The following PAG1 variants were observed in gnomAD, a reference collection of about 807,000 sequenced individuals.
The protein encoded by PAG1 is phosphoprotein associated with glycosphingolipid-enriched microdomains 1.
A neutral mutation model predicts 31.7 loss-of-function variants in PAG1; 23 were observed. That is an observed-to-expected ratio of 0.73 (90% CI 0.52 to 1.03). The LOEUF is 1.03. Ranked by LOEUF, PAG1 falls within the 50% of genes least tolerant of loss-of-function variation. The pLI is 0.00. For missense variants in PAG1, 473 were observed against 540.7 expected (o/e 0.87, Z 1.24); for synonymous variants, 214 against 210.3 (o/e 1.02, Z -0.15).
At chr8:81,056,782 C>T (rs1275033073) in intron 2 of PAG1, among the ~76,000 whole-genome samples, 1 of 152,098 alleles carries the variant, frequency 6.6e-6, no homozygotes, top group East Asian at 1.9e-4. Context: ...AGTGAACAGG[C>T]AACCTACAGA....
At chr8:80,999,723 A>G (rs1217745127) in intron 3 of PAG1, among the ~76,000 whole-genome samples, 1 of 152,228 alleles carries the variant, frequency 6.6e-6, no homozygotes, top group Non-Finnish European at 1.5e-5. Context: ...TCAATAATAC[A>G]TTAAACTTAC....
Position 80,970,168 on chromosome 8 carries a change from T to G in PAG1, c.*6376A>C. On this transcript the variant is annotated 3_prime_UTR_variant, in exon 9 of 9. Transcript: ENST00000220597. ...CTGTCGCCCAGGCTGGAGTGCAGTG[T>G]TGCGATCTCAGCTCATTGCAACCTC... The G allele has an allele frequency of 6.6e-6, 1 of 152,436 alleles. No homozygotes were observed. Among genetic ancestry groups the G allele is most frequent in the African/African-American group, 2.4e-5 (1 of 41,574 alleles). 9.4% of individuals were successfully genotyped at this position (152,436 alleles called of 1,614,324 possible).
intron 8 of PAG1, among the ~76,000 whole-genome samples, chr8:80,979,196 G>A (rs986665817): frequency 1.3e-5 from 2 of 152,114 alleles, no homozygotes; most frequent in Non-Finnish European, 2.9e-5. Flanking sequence ...GTAAGATAAG[G>A]AGCAATTTAA....
At chr8:81,007,212 G>A (rs1192178884) in intron 3 of PAG1, among the ~76,000 whole-genome samples, 1 of 151,964 alleles carries the variant, frequency 6.6e-6, no homozygotes, top group African/African-American at 2.4e-5. Flanking sequence ...GGGAAGTGCG[G>A]GAAAAAGGTG....
At chr8:81,049,601 C>T (rs867818245) in intron 2 of PAG1, among the ~76,000 whole-genome samples, 1 of 152,196 alleles carries the variant, frequency 6.6e-6, no homozygotes, top group Admixed American at 6.5e-5. Flanking sequence ...AATATGCATT[C>T]GTTGAATGCT....
chr8:81,089,031 A>T (rs1024036235), intron 1 of PAG1, among the ~76,000 whole-genome samples: 2 of 152,258 alleles, frequency 1.3e-5, no homozygotes, highest in African/African-American at 2.4e-5. Flanking sequence ...AATGCTTTTA[A>T]GAACTGTGAA....
chr8:81,022,174 T>C (rs980520791), intron 3 of PAG1, among the ~76,000 whole-genome samples: 1 of 152,246 alleles, frequency 6.6e-6, no homozygotes, highest in South Asian at 2.1e-4. Context: ...TTGCCAAACA[T>C]AGTTCTTTAC....
At chr8:81,081,255 A>G (rs1030001591) in intron 1 of PAG1, among the ~76,000 whole-genome samples, 1 of 152,134 alleles carries the variant, frequency 6.6e-6, no homozygotes, top group African/African-American at 2.4e-5. Flanking sequence ...TCGTACTAAC[A>G]TCTTTCTGAA....
intron 6 of PAG1, 99 bp downstream of exon 6, chr8:80,987,271 A>G (rs765467877): frequency 6.5e-5 from 51 of 779,082 alleles, no homozygotes; most frequent in Admixed American, 1.0e-4. Context: ...AAACTGAGCA[A>G]TAACACATTT....
intron 2 of PAG1, among the ~76,000 whole-genome samples, chr8:81,056,000 T>A (rs563424557): frequency 6.6e-6 from 1 of 152,270 alleles, no homozygotes; most frequent in South Asian, 2.1e-4. Flanking sequence ...CTATGTTGAA[T>A]AGGAGTGGTG....
chr8:81,047,009 G>C (rs1317972719), intron 2 of PAG1, among the ~76,000 whole-genome samples: 1 of 152,080 alleles, frequency 6.6e-6, no homozygotes, highest in Non-Finnish European at 1.5e-5. Context: ...CCCTGTCCCT[G>C]CAAAAGACAT....
chr8:81,010,494 A>C (rs1178172708), intron 3 of PAG1, among the ~76,000 whole-genome samples: 1 of 152,264 alleles, frequency 6.6e-6, no homozygotes, highest in Non-Finnish European at 1.5e-5. Context: ...TTCAACAAGA[A>C]ATATATAAAA....
chr8:81,057,903 C>T (rs887197391), intron 2 of PAG1, among the ~76,000 whole-genome samples: 4 of 152,070 alleles, frequency 2.6e-5, no homozygotes, highest in Admixed American at 2.0e-4. Context: ...CTTTGGTAGC[C>T]ATTGTTTTAC....
intron 2 of PAG1, among the ~76,000 whole-genome samples, chr8:81,054,168 C>G (rs930948188): frequency 3.9e-5 from 6 of 152,132 alleles, no homozygotes; most frequent in Non-Finnish European, 5.9e-5. Flanking sequence ...AGGCAAATTT[C>G]TATGCTAAGA....
At chr8:80,985,506 T>G in intron 6 of PAG1, 129 bp from the exon 7 acceptor site, 1 of 888,272 alleles carries the variant, frequency 1.1e-6, no homozygotes, top group Non-Finnish European at 1.7e-6. Context: ...GCACAAATTA[T>G]AGTTGTTATG....
At chr8:81,047,614 T>C (rs1265309296) in intron 2 of PAG1, among the ~76,000 whole-genome samples, 2 of 152,222 alleles carry the variant, frequency 1.3e-5, no homozygotes, top group Admixed American at 1.3e-4. Context: ...CAGGATTCCA[T>C]AGGGTCCACT....
intron 2 of PAG1, among the ~76,000 whole-genome samples, chr8:81,050,298 ATAAAT>A (rs1223527659): frequency 1.3e-5 from 2 of 152,242 alleles, no homozygotes; most frequent in Non-Finnish European, 1.5e-5. Context: ...ATTTAATCAC[ATAAAT>A]TAGTCTACCT....
chr8:80,982,035 T>G (rs6473258), intron 7 of PAG1, among the ~76,000 whole-genome samples: 34,901 of 151,638 alleles, frequency 0.23, 6,295 homozygotes, highest in African/African-American at 0.5. Context: ...CCAGTTAATT[T>G]TTGTATTTTT....
At chr8:81,108,048 CAG>C (rs751605669) in intron 1 of PAG1, among the ~76,000 whole-genome samples, 4 of 152,110 alleles carry the variant, frequency 2.6e-5, no homozygotes, top group Non-Finnish European at 5.9e-5. Flanking sequence ...GAAAATTATT[CAG>C]AGATTTAAAA....
Sources: allele counts gnomAD v4.1 joint callset (sites outside exome capture counted in the v4.1 genomes callset), GRCh38; gene constraint gnomAD v4.1.1; transcripts MANE v1.5; gene names NCBI Gene and HGNC (gene_info 2026-07-23, HGNC 2026-07-21).